Variants in TNS1 observed in about 807,000 individuals in gnomAD.
The protein encoded by TNS1 is tensin 1.
TNS1 carries 62 observed loss-of-function variants against 168.6 expected under a neutral mutation model. That is an observed-to-expected ratio of 0.37 (90% CI 0.30 to 0.45). The LOEUF (loss-of-function observed/expected upper bound fraction) is 0.45. Ranked by LOEUF, TNS1 falls within the 20% of genes least tolerant of loss-of-function variation. The pLI is 1.00. For missense variants in TNS1, 2,240 were observed against 2,339.4 expected (o/e 0.96, Z 0.88); for synonymous variants, 934 against 933.2 (o/e 1.00, Z -0.02).
intron 3 of TNS1, among the ~76,000 whole-genome samples, chr2:217,939,957 C>T (rs537951954): frequency 8.5e-5 from 13 of 152,326 alleles, no homozygotes; most frequent in Admixed American, 3.9e-4. Flanking sequence ...ACCTCCTGGA[C>T]GGGAAAGCGC....
chr2:217,803,864 G>A lies in TNS1; in HGVS notation c.*595C>T, dbSNP rs1937886408. 1 of 153,476 alleles carries A rather than the reference G, an allele frequency of 6.5e-6. No homozygotes were observed. Among genetic ancestry groups the A allele is most frequent in the Non-Finnish European group, 1.5e-5 (1 of 68,672 alleles). 9.5% of individuals were successfully genotyped at this position (153,476 alleles called of 1,614,324 possible). On this transcript the variant is annotated 3_prime_UTR_variant, in exon 33 of 33. Transcript: ENST00000682258. ...CAGATCTAGATCAATGTGTGAGGAT[G>A]TGGGTGCAGACACACACCCACACGA...
chr2:217,818,322 G>C lies in TNS1; in HGVS notation c.4010C>G (p.Pro1337Arg). 1 of 1,614,074 alleles carries C rather than the reference G, an allele frequency of 6.2e-7. No individual in the cohort carries two copies. Residue 1337 changes from proline (P) to arginine (R), a missense_variant, in exon 24 of 33, where the codon CCC becomes CGC. Coordinates refer to ENST00000682258, the MANE Select transcript of TNS1 (RefSeq NM_001387777.1). ...TGFHGSTVSS[P>R]QSSAATTPGS... ...CGGGGTGGTCGCTGCACTGCTCTGG[G>C]GGCTGGAGACAGTGCTACCATGGAA...
intron 1 of TNS1, among the ~76,000 whole-genome samples, chr2:217,999,554 T>C (rs1958525772): frequency 6.6e-6 from 1 of 152,208 alleles, no homozygotes; most frequent in South Asian, 2.1e-4. Context: ...ACACATTACT[T>C]TGCAAAACTT....
intron 18 of TNS1, among the ~76,000 whole-genome samples, chr2:217,852,957 C>T (rs1268984607): frequency 6.6e-6 from 1 of 152,146 alleles, no homozygotes; most frequent in Non-Finnish European, 1.5e-5. Flanking sequence ...CAGGCTGATC[C>T]CAGGCCTGTC....
In TNS1 at chr2:217,971,509, T is replaced by C. The variant is rs900500036; in HGVS notation, c.186+7256A>G. Among the ~76,000 whole-genome samples the C allele has an allele frequency of 3.0e-4, 45 of 152,260 alleles. 1 individual carries two copies. Among genetic ancestry groups the C allele is most frequent in the Non-Finnish European group, 1.5e-5 (1 of 68,044 alleles). On this transcript the variant is annotated intron_variant, in intron 3 of 32. Coordinates refer to ENST00000682258, the MANE Select transcript of TNS1 (RefSeq NM_001387777.1). ...AAGGTTCGTTCCAGTTTGGGGCTAT[T>C]GGAAATAAAGCTGCTATGAATATTT... is the stretch of plus-strand genomic sequence containing the variant.
intron 3 of TNS1, among the ~76,000 whole-genome samples, chr2:217,946,346 G>T (rs11901898): frequency 0.05 from 7,560 of 152,236 alleles, 631 homozygotes; most frequent in African/African-American, 0.17. Context: ...AACGATAAGG[G>T]ATTTGTTCAT....
At chr2:218,001,023 C>T (rs1958553262) in intron 1 of TNS1, among the ~76,000 whole-genome samples, 2 of 152,046 alleles carry the variant, frequency 1.3e-5, no homozygotes, top group South Asian at 4.1e-4. Flanking sequence ...CATGTTGGCA[C>T]GCACTTGTAG....
intron 1 of TNS1, among the ~76,000 whole-genome samples, chr2:218,016,706 G>A (rs181030075): frequency 1.6e-3 from 243 of 152,328 alleles, no homozygotes; most frequent in Admixed American, 3.4e-3. Context: ...GAAGGGAATG[G>A]ACCCCCCCAG....
chr2:217,831,136 T>C (rs1344665619), intron 22 of TNS1, among the ~76,000 whole-genome samples: 1 of 152,030 alleles, frequency 6.6e-6, no homozygotes, highest in Non-Finnish European at 1.5e-5. Flanking sequence ...CATGTACGTG[T>C]ACCCGAGGGC....
chr2:217,842,289 C>A, intron 19 of TNS1: 3 of 559,958 alleles, frequency 5.4e-6, no homozygotes, highest in Non-Finnish European at 6.3e-6. Context: ...ATTTATCCAA[C>A]CACTGCAGAT....
intron 22 of TNS1, among the ~76,000 whole-genome samples, chr2:217,826,148 G>T (rs1287103020): frequency 6.6e-6 from 1 of 152,080 alleles, no homozygotes; most frequent in Non-Finnish European, 1.5e-5. Context: ...TGCCCTTCCA[G>T]TCCCAGATCA....
intron 32 of TNS1, among the ~76,000 whole-genome samples, chr2:217,806,119 C>A (rs762056822): frequency 6.6e-6 from 1 of 152,176 alleles, no homozygotes; most frequent in Non-Finnish European, 1.5e-5. Context: ...GCCCTGGCTG[C>A]GGGTGTCTAC....
chr2:217,850,453 G>C, intron 18 of TNS1: 5 of 985,254 alleles, frequency 5.1e-6, no homozygotes, highest in Non-Finnish European at 4.8e-6. Context: ...ACTTTCTCTG[G>C]AAGGAAAAAG....
rs183808761 is a variant in TNS1 at position 217,904,334 on chromosome 2, C to T, written c.321+2001G>A. On this transcript the variant is annotated intron_variant, in intron 6 of 32. Coordinates refer to ENST00000682258, the MANE Select transcript of TNS1 (RefSeq NM_001387777.1). ...GGCCAGAGACAGCAACACAGCTTGACAAACAGCCACATTATCACAGCAGCA... is the reference window on the plus strand; with the variant it reads ...GGCCAGAGACAGCAACACAGCTTGATAAACAGCCACATTATCACAGCAGCA... 2.3e-3 allele frequency among the ~76,000 whole-genome samples: 344 copies of T among 152,350 alleles called. 2 individuals carry two copies. Among genetic ancestry groups the T allele is most frequent in the Middle Eastern group, 0.017 (5 of 294 alleles).
chr2:217,983,743 C>T (rs542559497), intron 2 of TNS1, among the ~76,000 whole-genome samples: 6 of 152,286 alleles, frequency 3.9e-5, no homozygotes, highest in South Asian at 2.1e-4. Context: ...CTTCCATGGC[C>T]GGCACAGAGG....
At position 217,880,076 on chromosome 2, in the gene TNS1, C is replaced by T. The variant is rs1009989005; in HGVS notation, c.1429+822G>A. 6.6e-6 allele frequency among the ~76,000 whole-genome samples: 1 copy of T among 152,210 alleles called. No individual in the cohort carries two copies. The highest frequency in any genetic ancestry group is 2.1e-4 in the South Asian group (1 of 4,826). On this transcript the variant is annotated intron_variant, in intron 18 of 32. Coordinates refer to ENST00000682258, the MANE Select transcript of TNS1 (RefSeq NM_001387777.1). This position sits in a 1 kb window ranked among gnomAD's most constrained non-coding sequence, Gnocchi z 4.2. ...GCTCCAACATTCTGCAGTCCTACGA[C>T]CAACTCAAGAAAAGAAGCTTGTGGC... is the stretch of plus-strand genomic sequence containing the variant.
chr2:217,807,931 A>G (rs532476307), intron 32 of TNS1, 144 bp downstream of exon 32: 2 of 973,120 alleles, frequency 2.1e-6, no homozygotes, highest in Admixed American at 2.2e-5. Flanking sequence ...GTCAAGCTTC[A>G]CTCGGAAGCT....
At chr2:217,965,978 C>A (rs1384744390) in intron 3 of TNS1, among the ~76,000 whole-genome samples, 2 of 152,076 alleles carry the variant, frequency 1.3e-5, no homozygotes, top group African/African-American at 2.4e-5. Flanking sequence ...CATCCAGCAT[C>A]CTGTTCCACC....
intron 1 of TNS1, among the ~76,000 whole-genome samples, chr2:218,016,575 C>T (rs189381327): frequency 2.4e-4 from 37 of 152,276 alleles, no homozygotes; most frequent in East Asian, 2.3e-3. Flanking sequence ...CCACTCAGCC[C>T]GGGGCCCTCA....
Sources: gnomAD v4.1 joint callset for allele counts (sites outside exome capture counted in the v4.1 genomes callset) on GRCh38, gnomAD v4.1.1 for gene constraint, Gnocchi (gnomAD v3.1) non-coding constraint, MANE v1.5 for transcripts, NCBI Gene and HGNC (gene_info 2026-07-23, HGNC 2026-07-21) for gene names.